Variants in NTM observed in about 807,000 individuals in gnomAD.
The protein encoded by NTM is IgLON family member 2.
NTM carries 13 observed loss-of-function variants against 42.1 expected under a neutral mutation model. The ratio of observed to expected loss-of-function variants is 0.31; its 90% CI spans 0.20 to 0.49. NTM has a LOEUF of 0.49. Ranked by LOEUF, NTM falls within the 20% of genes least tolerant of loss-of-function variation. The pLI is 0.99. For synonymous variants in NTM, 187 were observed against 179.2 expected (o/e 1.04, Z -0.35); for missense variants, 373 against 452.8 (o/e 0.82, Z 1.60).
chr11:132,132,464 T>A lies in NTM; in HGVS notation c.168-13818T>A, dbSNP rs146163492. On this transcript the variant is annotated intron_variant, in intron 2 of 8. Coordinates refer to ENST00000683400, the MANE Select transcript of NTM (RefSeq NM_001352005.2). ...ATGTTTTGTTCTGGAGAGTGAACAC[T>A]GCATCTTCACAGGCATATGAGCTCA... Among the ~76,000 whole-genome samples, 4 of 152,364 alleles carry A rather than the reference T, an allele frequency of 2.6e-5. No homozygotes were observed. In the East Asian group the frequency reaches 7.7e-4, roughly 29 times the overall value.
intron 1 of NTM, among the ~76,000 whole-genome samples, chr11:131,516,363 T>G (rs1565589439): frequency 6.6e-6 from 1 of 152,228 alleles, no homozygotes; most frequent in Admixed American, 6.5e-5. Context: ...TTTGTGCAAG[T>G]TGACCCTGAC....
At chr11:131,663,415 A>T (rs976212183) in intron 1 of NTM, 1 of 152,192 alleles carries the variant, frequency 6.6e-6, no homozygotes, top group African/African-American at 2.4e-5. Context: ...TTGGCACGTT[A>T]ATCATCTTGG....
intron 1 of NTM, among the ~76,000 whole-genome samples, chr11:131,634,087 C>T (rs545557432): frequency 2.0e-5 from 3 of 152,264 alleles, no homozygotes; most frequent in Admixed American, 2.0e-4. Flanking sequence ...GATCTGTTTG[C>T]ACATGAGCTT....
chr11:131,424,600 C>CTTTTTTTTTTTTTTTT lies in NTM; in HGVS notation c.82+53715_82+53730dup, dbSNP rs769740331. Among the ~76,000 whole-genome samples, 117 of 55,968 alleles carry CTTTTTTTTTTTTTTTT rather than the reference C, an allele frequency of 2.1e-3. 6 individuals carry two copies. The highest frequency in any genetic ancestry group is 2.8e-3 in the Non-Finnish European group (88 of 31,636). The allele number at this position is 55,968 out of a possible 152,430, so 36.7% of individuals were successfully genotyped here. ...AGTTGTTTTTTATTTCTTTTCTTTT[C>CTTTTTTTTTTTTTTTT]TTTTTTTTTTTTTTTTTTGGCGCAA... On this transcript the variant is annotated intron_variant, in intron 1 of 8. Transcript: ENST00000683400.
chr11:132,122,947 G>A (rs2065080803), intron 2 of NTM, among the ~76,000 whole-genome samples: 1 of 152,068 alleles, frequency 6.6e-6, no homozygotes, highest in African/African-American at 2.4e-5. Flanking sequence ...AAAGAGCAAG[G>A]GAGATGGAAA....
At chr11:131,491,468 C>G (rs950024016) in intron 1 of NTM, among the ~76,000 whole-genome samples, 1 of 151,974 alleles carries the variant, frequency 6.6e-6, no homozygotes, top group East Asian at 1.9e-4. Flanking sequence ...ATTAAATACT[C>G]ACATCCATAC....
At chr11:131,594,035 A>T (rs1048294940) in intron 1 of NTM, among the ~76,000 whole-genome samples, 4 of 152,212 alleles carry the variant, frequency 2.6e-5, no homozygotes, top group African/African-American at 4.8e-5. Context: ...CACCAGCCTT[A>T]TATAGTCTTG....
intron 3 of NTM, among the ~76,000 whole-genome samples, chr11:132,209,071 G>A (rs1211196573): frequency 1.3e-5 from 2 of 152,082 alleles, no homozygotes; most frequent in African/African-American, 2.4e-5. Flanking sequence ...CATGAGATGG[G>A]AATGCTCTAG....
rs534529396 is a variant in NTM, at chr11:131,919,655, C to T, written c.167+8007C>T. Among the ~76,000 whole-genome samples, 5 of 152,254 alleles carry T rather than the reference C, an allele frequency of 3.3e-5. No homozygotes were observed. In the South Asian group the frequency reaches 1.0e-3, roughly 32 times the overall value. ...CTGCATTTAAACAGGACCGTTATTA[C>T]CCATCTCACAGTGTTGTTTTAGGTT... On this transcript the variant is annotated intron_variant, in intron 2 of 8. Transcript: ENST00000683400.
chr11:132,105,052 A>G (rs2062179079), intron 2 of NTM, among the ~76,000 whole-genome samples: 1 of 143,616 alleles, frequency 7.0e-6, no homozygotes, highest in Non-Finnish European at 1.5e-5. Flanking sequence ...CCCATCTCTG[A>G]TGAGCTTTCA....
chr11:131,835,505 A>G (rs962145211), intron 1 of NTM, among the ~76,000 whole-genome samples: 1 of 152,198 alleles, frequency 6.6e-6, no homozygotes, highest in Non-Finnish European at 1.5e-5. Flanking sequence ...CTCACTAATC[A>G]TTAGAGAAAT....
intron 1 of NTM, among the ~76,000 whole-genome samples, chr11:131,810,587 G>T (rs970556789): frequency 6.6e-6 from 1 of 152,210 alleles, no homozygotes; most frequent in Admixed American, 6.5e-5. Flanking sequence ...TGTGGATAAA[G>T]AATTCTTACT....
chr11:131,846,741 G>A (rs1318739101), intron 1 of NTM, among the ~76,000 whole-genome samples: 1 of 152,082 alleles, frequency 6.6e-6, no homozygotes, highest in African/African-American at 2.4e-5. Flanking sequence ...GTTTCTATAA[G>A]CACCAGCAAG....
chr11:131,607,468 CT>C (rs2061069884), intron 1 of NTM, among the ~76,000 whole-genome samples: 1 of 152,196 alleles, frequency 6.6e-6, no homozygotes, highest in Non-Finnish European at 1.5e-5. Context: ...ATAACTTCAC[CT>C]GGGCCAATTA....
At chr11:131,832,682 T>C (rs1402013487) in intron 1 of NTM, among the ~76,000 whole-genome samples, 1 of 152,184 alleles carries the variant, frequency 6.6e-6, no homozygotes, top group Non-Finnish European at 1.5e-5. Flanking sequence ...GATGAAGGCT[T>C]TCTAAGCCTC....
At chr11:132,217,547 G>T (rs2084160358) in intron 4 of NTM, among the ~76,000 whole-genome samples, 1 of 152,040 alleles carries the variant, frequency 6.6e-6, no homozygotes, top group Non-Finnish European at 1.5e-5. Context: ...CCTGGGGGCA[G>T]AATTAGAGCA....
At chr11:131,607,889 GT>G (rs34341331) in intron 1 of NTM, among the ~76,000 whole-genome samples, 67,348 of 149,826 alleles carry the variant, frequency 0.45, 16,723 homozygotes, top group East Asian at 0.61. Flanking sequence ...GGTTTTTTGT[GT>G]TTTTTTTTTG....
intron 1 of NTM, among the ~76,000 whole-genome samples, chr11:131,510,401 A>C (rs1216036614): frequency 6.6e-6 from 1 of 152,142 alleles, no homozygotes; most frequent in African/African-American, 2.4e-5. Flanking sequence ...TTTTCTCAGC[A>C]TAGATGGAGA....
At chr11:131,539,765 G>T (rs1565616790) in intron 1 of NTM, among the ~76,000 whole-genome samples, 1 of 152,218 alleles carries the variant, frequency 6.6e-6, no homozygotes. Flanking sequence ...GGGCATGGGA[G>T]TGGAGGTGAG....
Sources: gnomAD v4.1 joint callset for allele counts (sites outside exome capture counted in the v4.1 genomes callset) on GRCh38, gnomAD v4.1.1 for gene constraint, MANE v1.5 for transcripts, NCBI Gene and HGNC (gene_info 2026-07-23, HGNC 2026-07-21) for gene names.